The following GATA4 variants were observed in gnomAD, a reference collection of about 807,000 sequenced individuals.
GATA4 encodes transcription factor GATA-4.
Under a neutral mutation model 37.9 loss-of-function variants are expected in GATA4, and 7 were observed. The observed-to-expected ratio is 0.18, with a 90% CI of 0.11 to 0.35. The LOEUF (loss-of-function observed/expected upper bound fraction) is 0.35. Ranked by LOEUF, GATA4 falls within the 10% of genes least tolerant of loss-of-function variation. The pLI is 1.00. For missense variants in GATA4, 647 were observed against 653.0 expected, an observed-to-expected ratio of 0.99 and a Z score of 0.10; for synonymous variants, 372 against 292.6, an observed-to-expected ratio of 1.27 and a Z score of -2.77.
At chr8:11,752,765 A>G (rs985654782) in intron 4 of GATA4, among the ~76,000 whole-genome samples, 2 of 152,232 alleles carry the variant, frequency 1.3e-5, no homozygotes, top group African/African-American at 2.4e-5. Flanking sequence ...ACTTAGTCTC[A>G]TGTATCTTTT....
At chr8:11,678,188 C>G (rs1798843617) in intron 1 of GATA4, among the ~76,000 whole-genome samples, 1 of 152,120 alleles carries the variant, frequency 6.6e-6, no homozygotes, top group African/African-American at 2.4e-5. Context: ...AGGTTGAAAG[C>G]AGACAACACC....
intron 1 of GATA4, among the ~76,000 whole-genome samples, chr8:11,677,830 G>T (rs1352663338): frequency 6.6e-6 from 1 of 152,028 alleles, no homozygotes; most frequent in Non-Finnish European, 1.5e-5. Flanking sequence ...TTTGCAGGTG[G>T]ACCACAGAGC....
At chr8:11,678,199 A>C (rs1174720303) in intron 1 of GATA4, among the ~76,000 whole-genome samples, 1 of 152,010 alleles carries the variant, frequency 6.6e-6, no homozygotes, top group Non-Finnish European at 1.5e-5. Flanking sequence ...AGACAACACC[A>C]TTTGTTCACT....
intron 2 of GATA4, among the ~76,000 whole-genome samples, chr8:11,725,415 C>G (rs928915116): frequency 2.6e-5 from 4 of 152,244 alleles, no homozygotes; most frequent in Non-Finnish European, 5.9e-5. Context: ...AATCTGATTC[C>G]GTACTGGCCC....
chr8:11,684,231 G>T (rs991835879), intron 1 of GATA4, among the ~76,000 whole-genome samples: 3 of 152,232 alleles, frequency 2.0e-5, no homozygotes, highest in African/African-American at 7.2e-5. Flanking sequence ...TTGCTGCCAG[G>T]TGAGAGAAAA....
chr8:11,725,029 A>G (rs1434875234), intron 2 of GATA4, among the ~76,000 whole-genome samples: 1 of 152,232 alleles, frequency 6.6e-6, no homozygotes, highest in Non-Finnish European at 1.5e-5. Flanking sequence ...TTGCCCGCTC[A>G]GGGGTGGCCT....
rs991483066 is a variant in GATA4 at position 11,707,219 on chromosome 8, G to A, written c.-457-637G>A. 6.6e-6 allele frequency among the ~76,000 whole-genome samples: 1 copy of A among 151,988 alleles called. No homozygotes were observed. Among genetic ancestry groups the A allele is most frequent in the African/African-American group, 2.4e-5 (1 of 41,374 alleles). Reference sequence around the variant, plus strand: ...AAACCTGTAACTTGTCCGATTTGACGTCCACATGGTTAGTGTATGGATGAG... The same window carrying A: ...AAACCTGTAACTTGTCCGATTTGACATCCACATGGTTAGTGTATGGATGAG... On this transcript the variant is annotated intron_variant, in intron 1 of 6. Transcript: ENST00000532059. The surrounding 1 kb of genome is among the most constrained non-coding windows in gnomAD (Gnocchi z 4.7).
At chr8:11,744,831 C>A (rs1340724805) in intron 2 of GATA4, among the ~76,000 whole-genome samples, 3 of 152,284 alleles carry the variant, frequency 2.0e-5, no homozygotes, top group South Asian at 4.2e-4. Flanking sequence ...ACCCTTCTAT[C>A]GCAATGGGAC....
chr8:11,682,936 G>A (rs1799019474), intron 1 of GATA4: 1 of 361,906 alleles, frequency 2.8e-6, no homozygotes, highest in African/African-American at 2.2e-5. Flanking sequence ...TCCACACCGG[G>A]GACCTGCTTT....
At chr8:11,710,391 G>A (rs1800123010) in intron 2 of GATA4, among the ~76,000 whole-genome samples, 1 of 152,098 alleles carries the variant, frequency 6.6e-6, no homozygotes, top group South Asian at 2.1e-4. Flanking sequence ...GCGGGGCGCG[G>A]CGCCCTGGCC....
chr8:11,697,056 G>A (rs1799529321), intron 1 of GATA4, among the ~76,000 whole-genome samples: 1 of 152,218 alleles, frequency 6.6e-6, no homozygotes. Context: ...GCACCTTCCT[G>A]AGTGACATCC....
chr8:11,719,960 A>G (rs1282641103), intron 2 of GATA4, among the ~76,000 whole-genome samples: 1 of 152,152 alleles, frequency 6.6e-6, no homozygotes, highest in African/African-American at 2.4e-5. Flanking sequence ...TGCCCCCAGG[A>G]CGTGTGATTT....
chr8:11,743,985 C>T (rs926333385), intron 2 of GATA4, among the ~76,000 whole-genome samples: 5 of 152,190 alleles, frequency 3.3e-5, no homozygotes, highest in African/African-American at 1.2e-4. Flanking sequence ...CATTGCTAAA[C>T]TAATCATTAA....
At chr8:11,689,097 G>T (rs1799232088), upstream of GATA4, among the ~76,000 whole-genome samples, 1 of 152,154 alleles carries the variant, frequency 6.6e-6, no homozygotes, top group Admixed American at 6.6e-5. Context: ...GCTCTTAGCT[G>T]CCCAGACAAG....
chr8:11,704,920 C>A (rs1799825241), intron 1 of GATA4, among the ~76,000 whole-genome samples: 1 of 152,234 alleles, frequency 6.6e-6, no homozygotes, highest in Non-Finnish European at 1.5e-5. Flanking sequence ...GCTCACCACC[C>A]CACCTGCCCG....
chr8:11,687,354 T>C (rs1270416464), intron 1 of GATA4, among the ~76,000 whole-genome samples: 1 of 152,064 alleles, frequency 6.6e-6, no homozygotes, highest in Non-Finnish European at 1.5e-5. Context: ...CAGAGAAGTA[T>C]CCAAGGTGCT....
rs114345849 is a variant in GATA4 at position 11,758,273 on chromosome 8, G to T, written c.1150-20G>T. The stretch of plus-strand genomic sequence containing the variant: ...CAGGAGCGTCTCCATGGGCCTCATC[G>T]TGTGCTTTCTGCTTTTCAGACGTTC... On this transcript the variant is annotated intron_variant, in intron 6 of 6. Coordinates refer to ENST00000532059, the MANE Select transcript of GATA4 (RefSeq NM_001308093.3). 1.2e-6 allele frequency: 2 copies of T among 1,613,858 alleles called. No homozygotes were observed. Among genetic ancestry groups the T allele is most frequent in the Non-Finnish European group, 1.7e-6 (2 of 1,179,936 alleles).
chr8:11,749,209 C>A lies in GATA4; in HGVS notation c.786+124C>A. On this transcript the variant is annotated intron_variant, in intron 3 of 6. Transcript: ENST00000532059. This position sits in a 1 kb window ranked among gnomAD's most constrained non-coding sequence, Gnocchi z 4.6. ...GCATCGGGGATTACGTGGGTGAGAG[C>A]CCCATAATAATTCTCACAACTTTAG... 1 of 919,568 alleles carries A rather than the reference C, an allele frequency of 1.1e-6. No homozygotes were observed. The highest frequency in any genetic ancestry group is 2.0e-5 in the Admixed American group (1 of 48,832). 57.0% of individuals were successfully genotyped at this position (919,568 alleles called of 1,614,324 possible).
intron 2 of GATA4, among the ~76,000 whole-genome samples, chr8:11,723,313 A>G (rs543211520): frequency 6.6e-6 from 1 of 152,022 alleles, no homozygotes; most frequent in African/African-American, 2.4e-5. Context: ...TCATGGTCCA[A>G]CCACTGCAAT....
Sources: allele counts gnomAD v4.1 joint callset (sites outside exome capture counted in the v4.1 genomes callset), GRCh38; gene constraint gnomAD v4.1.1; non-coding constraint Gnocchi (gnomAD v3.1); transcripts MANE v1.5; gene names NCBI Gene and HGNC (gene_info 2026-07-23, HGNC 2026-07-21).